NCALD: variants seen among roughly 807,000 people sequenced by gnomAD.
NCALD encodes the protein neurocalcin delta, also known as neurocalcin-delta.
NCALD carries 10 observed loss-of-function variants against 18.6 expected under a neutral mutation model. The observed-to-expected ratio is 0.54, with a 90% confidence interval of 0.33 to 0.91. The LOEUF (loss-of-function observed/expected upper bound fraction) is 0.91. Among genes scored for constraint, NCALD ranks in the 40% least tolerant of loss-of-function variants. The probability of loss-of-function intolerance (pLI) is 0.03; values close to 1 mark genes in which losing one functional copy is unlikely to be tolerated. For synonymous variants in NCALD, 88 were observed against 87.4 expected, an observed-to-expected ratio of 1.01 and a Z score of -0.04; for missense variants, 184 against 247.6, an observed-to-expected ratio of 0.74 and a Z score of 1.72.
chr8:101,900,875 A>G (rs182441517), intron 3 of NCALD, among the ~76,000 whole-genome samples: 44 of 152,056 alleles, frequency 2.9e-4, no homozygotes, highest in Admixed American at 2.0e-3. Flanking sequence ...GGTCTTCTCT[A>G]TGTTTGCTGG....
chr8:101,900,690 T>C (rs1817388368), intron 3 of NCALD, among the ~76,000 whole-genome samples: 1 of 152,060 alleles, frequency 6.6e-6, no homozygotes, highest in Admixed American at 6.5e-5. Context: ...GGGATATCTA[T>C]CTTGATTTGA....
At chr8:101,800,887 A>G (rs1586536632) in intron 4 of NCALD, among the ~76,000 whole-genome samples, 1 of 59,902 alleles carries the variant, frequency 1.7e-5, no homozygotes, top group African/African-American at 8.4e-5. Flanking sequence ...AGGAGAGGGG[A>G]GGGGAGAGGG....
At chr8:101,776,091 T>C (rs1250166166) in intron 1 of NCALD, among the ~76,000 whole-genome samples, 1 of 152,132 alleles carries the variant, frequency 6.6e-6, no homozygotes, top group Non-Finnish European at 1.5e-5. Context: ...GACAATCCTG[T>C]TATAGACAAA....
At chr8:101,967,353 C>A (rs1441558657) in intron 2 of NCALD, among the ~76,000 whole-genome samples, 2 of 152,156 alleles carry the variant, frequency 1.3e-5, no homozygotes, top group Non-Finnish European at 2.9e-5. Context: ...TTAGGGAACA[C>A]AAGTTCATCT....
chr8:102,067,130 C>A (rs1824034597), intron 1 of NCALD, among the ~76,000 whole-genome samples: 1 of 152,162 alleles, frequency 6.6e-6, no homozygotes, highest in African/African-American at 2.4e-5. Context: ...CCAATAGAGT[C>A]CCCCAAACCA....
chr8:101,773,263 G>A (rs946679424), intron 1 of NCALD, among the ~76,000 whole-genome samples: 12 of 152,062 alleles, frequency 7.9e-5, no homozygotes, highest in East Asian at 5.8e-4. Flanking sequence ...GGCAGCCTAG[G>A]GTTCTCAGCT....
At chr8:101,914,282 C>G (rs1167047672) in intron 3 of NCALD, among the ~76,000 whole-genome samples, 1 of 152,168 alleles carries the variant, frequency 6.6e-6, no homozygotes, top group Non-Finnish European at 1.5e-5. Flanking sequence ...ATGCTTTTCT[C>G]ATAATTAGAC....
chr8:101,690,952 T>TAG (rs1243456950), intron 3 of NCALD: 1 of 985,340 alleles, frequency 1.0e-6, no homozygotes, highest in Non-Finnish European at 1.2e-6. Context: ...TTTCTTCACT[T>TAG]AACTGTCTGC....
chr8:102,093,518 A>G (rs1824993924), intron 1 of NCALD, among the ~76,000 whole-genome samples: 1 of 152,248 alleles, frequency 6.6e-6, no homozygotes, highest in African/African-American at 2.4e-5. Context: ...AAGCAAAAAC[A>G]GAAGGTAGGT....
intron 2 of NCALD, among the ~76,000 whole-genome samples, chr8:101,989,882 G>A (rs978110131): frequency 6.6e-6 from 1 of 152,182 alleles, no homozygotes; most frequent in Non-Finnish European, 1.5e-5. Context: ...TTCATTTTCA[G>A]GTTTTGAAGC....
intron 4 of NCALD, among the ~76,000 whole-genome samples, chr8:101,879,659 CAG>C (rs1444926079): frequency 6.6e-6 from 1 of 152,172 alleles, no homozygotes; most frequent in Non-Finnish European, 1.5e-5. Flanking sequence ...GTCCATTTTA[CAG>C]AGAGCTGATT....
rs776753358 is a variant in NCALD at position 102,039,671 on chromosome 8, C to A, written c.-209-19382G>T. Among the ~76,000 whole-genome samples, 3 of 152,086 alleles carry A rather than the reference C, an allele frequency of 2.0e-5. No individual in the cohort carries two copies. In the East Asian group the frequency reaches 5.8e-4, roughly 29 times the overall value. ...TGCCTCAGTTTACTCATCTGTAAAA[C>A]AGGTGCTATCATTTGAATGTTCATC... On this transcript the variant is annotated intron_variant, in intron 1 of 6. Transcript: ENST00000311028.
chr8:101,996,995 T>C lies in NCALD; in HGVS notation c.-157+23242A>G, dbSNP rs145321808. 1.3e-3 allele frequency among the ~76,000 whole-genome samples: 201 copies of C among 152,372 alleles called. 1 individual carries two copies. The East Asian group carries it at 0.028, about 21-fold the overall frequency. On this transcript the variant is annotated intron_variant, in intron 2 of 6. Transcript: ENST00000311028. ...ACAGGTCAGATCAATAAGAGCAAGA[T>C]AGGCCTTGGTATCTACTTAGAGTCA...
intron 2 of NCALD, among the ~76,000 whole-genome samples, chr8:101,967,284 T>C (rs990745427): frequency 2.6e-5 from 4 of 152,124 alleles, no homozygotes; most frequent in African/African-American, 9.7e-5. Flanking sequence ...TCTCTTAAGA[T>C]GAGGAAAGCA....
intron 1 of NCALD, among the ~76,000 whole-genome samples, chr8:101,724,985 G>A (rs1816509948): frequency 6.6e-6 from 1 of 152,184 alleles, no homozygotes; most frequent in Non-Finnish European, 1.5e-5. Context: ...GTGTCTACTG[G>A]GGGTGAGGCA....
intron 1 of NCALD, among the ~76,000 whole-genome samples, chr8:102,032,683 G>C (rs1319928637): frequency 1.3e-5 from 2 of 150,472 alleles, no homozygotes; most frequent in Non-Finnish European, 2.9e-5. Flanking sequence ...TCTTAGAAGG[G>C]GCAATGAGTG....
intron 1 of NCALD, among the ~76,000 whole-genome samples, chr8:102,033,395 T>C (rs1437253116): frequency 1.3e-5 from 2 of 152,174 alleles, no homozygotes; most frequent in African/African-American, 2.4e-5. Flanking sequence ...ATTCCTCCCA[T>C]ATCTATAATA....
chr8:101,883,630 C>T (rs983792546), intron 4 of NCALD, among the ~76,000 whole-genome samples: 5 of 152,180 alleles, frequency 3.3e-5, no homozygotes, highest in African/African-American at 1.2e-4. Flanking sequence ...GACATCTGTC[C>T]TAAGCATCCT....
chr8:101,995,887 C>G (rs1021762327), intron 2 of NCALD, among the ~76,000 whole-genome samples: 13 of 152,350 alleles, frequency 8.5e-5, no homozygotes, highest in Non-Finnish European at 1.0e-4. Flanking sequence ...CGAGCAATCT[C>G]TTCTAAGAGC....
Sources: gnomAD v4.1 joint callset for allele counts (sites outside exome capture counted in the v4.1 genomes callset) on GRCh38, gnomAD v4.1.1 for gene constraint, MANE v1.5 for transcripts, NCBI Gene and HGNC (gene_info 2026-07-23, HGNC 2026-07-21) for gene names.